The following DLGAP1 variants were observed in gnomAD, a reference collection of about 807,000 sequenced individuals.
The protein encoded by DLGAP1 is DLG associated protein 1.
A neutral mutation model predicts 90.8 loss-of-function variants in DLGAP1; 11 were observed. That is an observed-to-expected ratio of 0.12 (90% CI 0.08 to 0.20). DLGAP1 has a LOEUF of 0.20. DLGAP1 is among the 10% of genes least tolerant of loss of function. The pLI is 1.00. For missense variants in DLGAP1, 1,050 were observed against 1,333.8 expected (o/e 0.79, Z 3.31); for synonymous variants, 558 against 540.7 (o/e 1.03, Z -0.44).
chr18:3,992,195 TA>T (rs1760862302), intron 3 of DLGAP1, among the ~76,000 whole-genome samples: 2 of 152,350 alleles, frequency 1.3e-5, no homozygotes, highest in South Asian at 4.1e-4. Context: ...TTTAATGATT[TA>T]AAGCACGTTT....
chr18:4,156,372 T>C (rs1380877357), intron 1 of DLGAP1, among the ~76,000 whole-genome samples: 1 of 152,196 alleles, frequency 6.6e-6, no homozygotes, highest in African/African-American at 2.4e-5. Context: ...TAAAATAATA[T>C]ATGTAATGCA....
At chr18:3,771,777 A>G (rs118056364) in intron 5 of DLGAP1, among the ~76,000 whole-genome samples, 1 of 152,038 alleles carries the variant, frequency 6.6e-6, no homozygotes, top group East Asian at 1.9e-4. Flanking sequence ...GGGTCTAACT[A>G]GCTAGTTAGT....
intron 7 of DLGAP1, among the ~76,000 whole-genome samples, chr18:3,595,888 T>C (rs766765549): frequency 1.3e-5 from 2 of 152,240 alleles, no homozygotes; most frequent in Non-Finnish European, 2.9e-5. Context: ...CACTTCCTCT[T>C]AGACCTAGGG....
intron 3 of DLGAP1, among the ~76,000 whole-genome samples, chr18:4,001,553 A>G (rs1263585199): frequency 1.3e-5 from 2 of 152,002 alleles, no homozygotes; most frequent in Non-Finnish European, 2.9e-5. Flanking sequence ...CTAGCTCTAG[A>G]GATTTAGAGC....
chr18:4,050,408 T>C lies in DLGAP1; in HGVS notation c.-158-45207A>G, dbSNP rs142553301. Among the ~76,000 whole-genome samples, 473 of 152,360 alleles carry C rather than the reference T, an allele frequency of 3.1e-3. 4 individuals are homozygous for C. The highest frequency in any genetic ancestry group is 0.011 in the African/African-American group (459 of 41,582). ...CAGATATTATTTGTTCTTCAGAGCA[T>C]ACCTGTGAGGTATATGCAGGATAGG... On this transcript the variant is annotated intron_variant, in intron 2 of 12. Transcript: ENST00000315677.
At chr18:3,519,300 C>T (rs1392573519) in intron 10 of DLGAP1, among the ~76,000 whole-genome samples, 1 of 152,136 alleles carries the variant, frequency 6.6e-6, no homozygotes, top group East Asian at 1.9e-4. Flanking sequence ...AGCTATAGTC[C>T]CATCGTATTT....
chr18:3,650,745 C>G (rs1480975287), intron 7 of DLGAP1, among the ~76,000 whole-genome samples: 1 of 152,232 alleles, frequency 6.6e-6, no homozygotes, highest in Non-Finnish European at 1.5e-5. Context: ...TGTCAGTTAT[C>G]TGACTAACAT....
chr18:3,938,343 G>C (rs959642245), intron 3 of DLGAP1, among the ~76,000 whole-genome samples: 3 of 152,120 alleles, frequency 2.0e-5, no homozygotes, highest in African/African-American at 4.8e-5. Context: ...GAGGTATGAG[G>C]GAAAATAAAG....
At chr18:4,051,472 A>C (rs1249455200) in intron 2 of DLGAP1, among the ~76,000 whole-genome samples, 1 of 152,216 alleles carries the variant, frequency 6.6e-6, no homozygotes, top group African/African-American at 2.4e-5. Flanking sequence ...AAACCATAAG[A>C]TCTTGTGAGA....
chr18:4,101,425 C>G (rs796154321), intron 2 of DLGAP1, among the ~76,000 whole-genome samples: 15 of 152,230 alleles, frequency 9.9e-5, no homozygotes, highest in African/African-American at 3.6e-4. Context: ...TCAAAGATCA[C>G]TGATCAAAGA....
At chr18:3,718,592 A>G (rs2061843420) in intron 7 of DLGAP1, among the ~76,000 whole-genome samples, 1 of 152,120 alleles carries the variant, frequency 6.6e-6, no homozygotes, top group Non-Finnish European at 1.5e-5. Context: ...TGTCACTGGA[A>G]TCTCAGAAGG....
intron 7 of DLGAP1, among the ~76,000 whole-genome samples, chr18:3,670,441 C>A (rs963133433): frequency 6.6e-6 from 1 of 152,198 alleles, no homozygotes; most frequent in Non-Finnish European, 1.5e-5. Context: ...AATCTGGCAA[C>A]TGATAACTTC....
intron 1 of DLGAP1, among the ~76,000 whole-genome samples, chr18:4,236,215 T>A (rs1317749822): frequency 2.0e-5 from 3 of 152,182 alleles, no homozygotes; most frequent in Admixed American, 2.0e-4. Context: ...GAGGTTTCAA[T>A]CAGTAAGTAC....
At chr18:3,739,336 T>C (rs77301116) in intron 6 of DLGAP1, among the ~76,000 whole-genome samples, 32,314 of 145,774 alleles carry the variant, frequency 0.22, 4,112 homozygotes, top group East Asian at 0.5. Context: ...CGTATGTTTA[T>C]TGTGGCACTA....
intron 1 of DLGAP1, among the ~76,000 whole-genome samples, chr18:4,338,679 G>A (rs1278417826): frequency 6.6e-6 from 1 of 152,136 alleles, no homozygotes; most frequent in Admixed American, 6.5e-5. Flanking sequence ...TACGACAGAC[G>A]GTGAATGAAT....
chr18:4,091,713 T>G (rs1598387583), intron 2 of DLGAP1, among the ~76,000 whole-genome samples: 1 of 152,210 alleles, frequency 6.6e-6, no homozygotes, highest in African/African-American at 2.4e-5. Context: ...CATTTCCAAT[T>G]GATTTTTTGT....
intron 1 of DLGAP1, among the ~76,000 whole-genome samples, chr18:4,288,979 T>C (rs773507117): frequency 7.2e-5 from 11 of 152,132 alleles, no homozygotes; most frequent in Non-Finnish European, 1.3e-4. Context: ...TGGCGCCCAT[T>C]GTAAAACGTC....
intron 7 of DLGAP1, among the ~76,000 whole-genome samples, chr18:3,718,724 G>A (rs1430166192): frequency 5.3e-5 from 8 of 151,936 alleles, no homozygotes; most frequent in Non-Finnish European, 7.4e-5. Context: ...TCAGGAGTTC[G>A]AGACCAGCCT....
intron 1 of DLGAP1, among the ~76,000 whole-genome samples, chr18:4,228,437 C>T (rs1407024604): frequency 1.3e-5 from 2 of 152,030 alleles, no homozygotes; most frequent in South Asian, 2.1e-4. Context: ...GATCAGAAAT[C>T]CTCAACAAAA....
Sources: allele counts gnomAD v4.1 joint callset (sites outside exome capture counted in the v4.1 genomes callset), GRCh38; gene constraint gnomAD v4.1.1; transcripts MANE v1.5; gene names NCBI Gene and HGNC (gene_info 2026-07-23, HGNC 2026-07-21).